Variants in SMIM36 observed in about 807,000 individuals in gnomAD.
SMIM36 encodes the protein small integral membrane protein 36.
chr17:55,517,497 A>G, the SMIM36 span, among the ~76,000 whole-genome samples: 3 of 152,244 alleles, frequency 2.0e-5, no homozygotes, highest in African/African-American at 7.2e-5. Context: ...TGGGAGGTGA[A>G]GGCTGCAGTG....
chr17:55,491,142 C>G (rs933947299), intron 1 of SMIM36, among the ~76,000 whole-genome samples: 6 of 149,100 alleles, frequency 4.0e-5, no homozygotes, highest in Non-Finnish European at 7.4e-5. Context: ...CTCGGGAGAC[C>G]GAAGTGGGAG....
chr17:55,464,595 T>C (rs1378858318), intron 4 of SMIM36, among the ~76,000 whole-genome samples: 1 of 152,158 alleles, frequency 6.6e-6, no homozygotes, highest in Non-Finnish European at 1.5e-5. Context: ...AGTCTTCAAC[T>C]CAGGTTTAAA....
chr17:55,477,912 C>T (rs992315255), intron 3 of SMIM36, among the ~76,000 whole-genome samples: 5 of 150,198 alleles, frequency 3.3e-5, no homozygotes, highest in Non-Finnish European at 5.9e-5. Context: ...AGAAATGGGA[C>T]ATATTCCCAT....
chr17:55,456,861 A>G (rs1467016117), intron 4 of SMIM36, among the ~76,000 whole-genome samples: 3 of 152,222 alleles, frequency 2.0e-5, no homozygotes, highest in Non-Finnish European at 4.4e-5. Context: ...ACTCATGTCA[A>G]CACATTAAAA....
chr17:55,479,075 C>T (rs183186702), intron 2 of SMIM36, among the ~76,000 whole-genome samples: 213 of 152,280 alleles, frequency 1.4e-3, no homozygotes, highest in African/African-American at 4.5e-3. Context: ...CAAGTTTCTC[C>T]CAGGCATTGA....
At chr17:55,452,399 T>C (rs1908936732) in intron 4 of SMIM36, among the ~76,000 whole-genome samples, 1 of 152,170 alleles carries the variant, frequency 6.6e-6, no homozygotes. Context: ...GTGAAGTTGC[T>C]AACAGAGCTG....
chr17:55,490,826 A>G (rs1909689189), intron 1 of SMIM36, among the ~76,000 whole-genome samples: 2 of 152,354 alleles, frequency 1.3e-5, no homozygotes, highest in South Asian at 4.1e-4. Context: ...TTAGAACAGC[A>G]GAAAATACAA....
chr17:55,480,749 G>A (rs192894881), intron 1 of SMIM36, among the ~76,000 whole-genome samples: 4 of 152,234 alleles, frequency 2.6e-5, no homozygotes, highest in Admixed American at 1.3e-4. Flanking sequence ...TAGGAGCTTG[G>A]CCTAATCCTG....
chr17:55,513,699 T>C (rs1011230140), upstream of SMIM36, among the ~76,000 whole-genome samples: 4 of 152,200 alleles, frequency 2.6e-5, no homozygotes, highest in African/African-American at 7.2e-5. Flanking sequence ...TTGGTGACTT[T>C]AAATAGATGA....
intron 4 of SMIM36, among the ~76,000 whole-genome samples, chr17:55,452,327 C>A (rs1164262504): frequency 1.3e-5 from 2 of 152,076 alleles, no homozygotes; most frequent in Admixed American, 6.6e-5. Flanking sequence ...TTGAAAATAT[C>A]CAGTTGACTC....
intron 1 of SMIM36, among the ~76,000 whole-genome samples, chr17:55,508,949 A>G (rs1210607317): frequency 6.9e-6 from 1 of 145,442 alleles, no homozygotes; most frequent in Non-Finnish European, 1.5e-5. Flanking sequence ...AAAAAAAAAA[A>G]AGTGAAGATG....
At chr17:55,507,682 A>G (rs1410559470) in intron 1 of SMIM36, among the ~76,000 whole-genome samples, 1 of 148,002 alleles carries the variant, frequency 6.8e-6, no homozygotes, top group East Asian at 2.0e-4. Flanking sequence ...TACATATGTA[A>G]CTAACCTGCA....
intron 1 of SMIM36, among the ~76,000 whole-genome samples, chr17:55,501,818 C>G (rs992343528): frequency 2.0e-5 from 3 of 151,076 alleles, no homozygotes; most frequent in East Asian, 2.0e-4. Context: ...TCTGAGGTAC[C>G]GGGTTCATCT....
At chr17:55,518,679 G>A in the SMIM36 span, among the ~76,000 whole-genome samples, 130 of 152,306 alleles carry the variant, frequency 8.5e-4, no homozygotes, top group Non-Finnish European at 9.8e-4. Context: ...TAGCTAGAAA[G>A]CAGGGTGTCA....
chr17:55,488,707 T>C (rs1782700237), intron 1 of SMIM36, among the ~76,000 whole-genome samples: 1 of 152,274 alleles, frequency 6.6e-6, no homozygotes, highest in African/African-American at 2.4e-5. Context: ...AATGTTTTTT[T>C]CTTTATTCAT....
At chr17:55,469,044 C>G (rs1909294846) in intron 3 of SMIM36, among the ~76,000 whole-genome samples, 2 of 152,122 alleles carry the variant, frequency 1.3e-5, no homozygotes, top group South Asian at 4.1e-4. Flanking sequence ...TTTCTTCTTT[C>G]TCTCCTGTCT....
chr17:55,526,070 T>C, the SMIM36 span, among the ~76,000 whole-genome samples: 1 of 152,246 alleles, frequency 6.6e-6, no homozygotes, highest in African/African-American at 2.4e-5. Flanking sequence ...AGCACCATTT[T>C]GAATGAATTA....
intron 1 of SMIM36, among the ~76,000 whole-genome samples, chr17:55,501,187 A>AATATATCTTATATATTATAAT (rs1909942269): frequency 1.2e-5 from 1 of 83,974 alleles, no homozygotes; most frequent in Non-Finnish European, 2.0e-5. Flanking sequence ...TATAATATAT[A>AATATATCTTATATATTATAAT]ATATATCTTA....
chr17:55,500,780 A>T (rs557280498), intron 1 of SMIM36, among the ~76,000 whole-genome samples: 1 of 56,398 alleles, frequency 1.8e-5, no homozygotes, highest in African/African-American at 1.2e-4. Context: ...ATAATATATA[A>T]TATATTATTA....
Sources: allele counts gnomAD v4.1 joint callset (sites outside exome capture counted in the v4.1 genomes callset), GRCh38; gene constraint gnomAD v4.1.1; transcripts MANE v1.5; gene names NCBI Gene and HGNC (gene_info 2026-07-23, HGNC 2026-07-21).